Variants in WDR46 observed in about 807,000 individuals in gnomAD.
WDR46 encodes WD repeat-containing protein 46.
In WDR46, 58 loss-of-function variants were observed where a neutral mutation model predicts 74.7. That is an observed-to-expected ratio of 0.78 (90% CI 0.63 to 0.97). WDR46 has a LOEUF of 0.97. WDR46 is among the 50% of genes least tolerant of loss of function. The pLI, the probability that WDR46 is intolerant of heterozygous loss-of-function variation, is 0.00. For missense variants in WDR46, 702 were observed against 790.1 expected, an observed-to-expected ratio of 0.89 and a Z score of 1.34; for synonymous variants, 278 against 297.3, an observed-to-expected ratio of 0.93 and a Z score of 0.67.
Position 33,288,845 on chromosome 6 carries a change from G to A in WDR46, c.238C>T (p.Arg80Ter). The A allele has an allele frequency of 1.2e-6, 2 of 1,614,090 alleles. No homozygotes were observed. The highest frequency in any genetic ancestry group is 8.5e-7 in the Non-Finnish European group (1 of 1,180,020). ...SKKPQVPKKP[R>*]EWKNPESQRG... Reference sequence around the variant, plus strand: ...TGGGACTCCGGGTTCTTCCATTCTCGGGGTTTCTTCGGGACCTGAGGCTTC... The same window carrying A: ...TGGGACTCCGGGTTCTTCCATTCTCAGGGTTTCTTCGGGACCTGAGGCTTC... Residue 80 changes from arginine to a stop codon, truncating the protein, a stop_gained, in exon 2 of 15, where the codon CGA (arginine) becomes TGA (stop). Transcript: ENST00000374617. LOFTEE classifies it high-confidence loss of function.
At chr6:33,289,051 C>T (rs1190998268) in intron 1 of WDR46, 38 bp from the exon 2 acceptor site, 3 of 1,611,616 alleles carry the variant, frequency 1.9e-6, no homozygotes, top group African/African-American at 2.7e-5. Flanking sequence ...CACGCCCCGC[C>T]CCCCGACCCC....
chr6:33,287,871 C>A, intron 6 of WDR46, 94 bp downstream of exon 6: 1 of 1,541,382 alleles, frequency 6.5e-7, no homozygotes, highest in Non-Finnish European at 9.0e-7. Flanking sequence ...TCGAAGGACC[C>A]TCCCCTCATC....
Position 33,287,087 on chromosome 6 carries a change from T to C in WDR46, c.1015+4A>G, listed in dbSNP as rs1223864813. The C allele has an allele frequency of 3.7e-6, 6 of 1,613,060 alleles. No homozygotes were observed. The highest frequency in any genetic ancestry group is 4.2e-6 in the Non-Finnish European group (5 of 1,179,474). On this transcript the variant is annotated splice_donor_region_variant and intron_variant, in intron 9 of 14. Coordinates refer to ENST00000374617, the MANE Select transcript of WDR46 (RefSeq NM_005452.6). ...TCAGAGTCAAAACTAAGCCAGGTAC[T>C]GACCATTGCTGTGTCCGAGATGGAT...
Position 33,279,586 on chromosome 6 carries a change from G to A in WDR46, c.1645C>T (p.Pro549Ser), listed in dbSNP as rs1765942626. The change falls in exon 14 of 15, where the codon CCC (proline) becomes TCC (serine). Residue 549 changes from proline to serine, a missense_variant. Transcript: ENST00000374617. Reference sequence around the variant, plus strand: ...TTCTGCTTTGGCTTTGGCTGGAAGGGAGCCTTAGCCTGCGGGTCATAGCCC... The same window carrying A: ...TTCTGCTTTGGCTTTGGCTGGAAGGAAGCCTTAGCCTGCGGGTCATAGCCC... ...RLGYDPQAKA[P>S]FQPKPKQKGR... 6.2e-7 allele frequency: 1 copy of A among 1,614,076 alleles called. No individual in the cohort carries two copies. Among genetic ancestry groups the A allele is most frequent in the Admixed American group, 1.7e-5 (1 of 60,014 alleles).
chr6:33,279,189 G>GC lies in WDR46; in HGVS notation c.*86dup. On this transcript the variant is annotated 3_prime_UTR_variant, in exon 15 of 15. Coordinates refer to ENST00000374617, the MANE Select transcript of WDR46 (RefSeq NM_005452.6). ...CCCCAGTTGGGGAAGGGGCCACACT[G>GC]CCCCCACCTCCTTGTTCCAGGGAAC... is the stretch of plus-strand genomic sequence containing the variant. 6.4e-7 allele frequency: 1 copy of GC among 1,569,376 alleles called. No homozygotes were observed. Among genetic ancestry groups the GC allele is most frequent in the Non-Finnish European group, 8.7e-7 (1 of 1,150,070 alleles).
chr6:33,286,818 AG>A lies in WDR46; in HGVS notation c.1091del (p.Ala364ValfsTer4). 6.2e-7 allele frequency: 1 copy of A among 1,614,142 alleles called. No homozygotes were observed. Among genetic ancestry groups the A allele is most frequent in the Non-Finnish European group, 8.5e-7 (1 of 1,180,034 alleles). ...KILCHRGGVR[A>X]VAVDSTGTYM... ...ACGTGCCTGTAGAATCTACTGCCACAGCCCGGACCCCACCACGATGACAGAG... is the reference window on the plus strand; with the variant it reads ...ACGTGCCTGTAGAATCTACTGCCACACCCGGACCCCACCACGATGACAGAG... On this transcript the variant is annotated frameshift_variant, in exon 10 of 15. Coordinates refer to ENST00000374617, the MANE Select transcript of WDR46 (RefSeq NM_005452.6). LOFTEE classifies it high-confidence loss of function.
intron 10 of WDR46, among the ~76,000 whole-genome samples, chr6:33,283,626 G>A (rs1562621371): frequency 2.6e-5 from 4 of 152,122 alleles, no homozygotes; most frequent in Non-Finnish European, 4.4e-5. Context: ...TGAGCTAGGC[G>A]TGGTGGCTCA....
chr6:33,285,787 G>C (rs1245998974), intron 10 of WDR46, among the ~76,000 whole-genome samples: 1 of 151,580 alleles, frequency 6.6e-6, no homozygotes, highest in Non-Finnish European at 1.5e-5. Flanking sequence ...GGCCTCCAAA[G>C]TGCTGGGATT....
Position 33,286,879 on chromosome 6 carries a change from C to T in WDR46, c.1031G>A (p.Trp344Ter). ...CAGTGGCTCCTTCATAGCTGGACTC[C>T]ATAAAGACACAGTACCTGGAAGAGA... ...LGHSNGTVSL[W>*]SPAMKEPLAK... Residue 344 changes from tryptophan to a stop codon, truncating the protein, a stop_gained, in exon 10 of 15, where the codon TGG becomes TAG. Coordinates refer to ENST00000374617, the MANE Select transcript of WDR46 (RefSeq NM_005452.6). LOFTEE classifies it high-confidence loss of function. 1 of 1,614,154 alleles carries T rather than the reference C, an allele frequency of 6.2e-7. No homozygotes were observed. Among genetic ancestry groups the T allele is most frequent in the Non-Finnish European group, 8.5e-7 (1 of 1,180,044 alleles).
Position 33,287,649 on chromosome 6 carries a change from G to A in WDR46, c.693C>T (p.Cys231=), listed in dbSNP as rs759279010. Residue 231 remains cysteine, a synonymous_variant, in exon 7 of 15, where the codon TGC becomes TGT. Coordinates refer to ENST00000374617, the MANE Select transcript of WDR46 (RefSeq NM_005452.6). ...GCACCGCCTCCATGACGTTGATCTC[G>A]CACATAAGCTTCTTTGTTACCCAAT... ...ALDWVTKKLM[C]EINVMEAVRD... The A allele has an allele frequency of 4.4e-5, 71 of 1,613,738 alleles. No homozygotes were observed. The highest frequency in any genetic ancestry group is 5.3e-5 in the Non-Finnish European group (62 of 1,180,010).
intron 6 of WDR46, 108 bp from the exon 7 acceptor site, chr6:33,287,826 GT>G (rs1766812411): frequency 6.6e-7 from 1 of 1,504,560 alleles, no homozygotes; most frequent in African/African-American, 1.4e-5. Flanking sequence ...GCAGACACAT[GT>G]TGCTGTAGGT....
rs1452946891 is a variant in WDR46 at position 33,288,658 on chromosome 6, C to T, written c.316G>A (p.Val106Met). ...DPFPGPAPVP[V>M]EVVQKFCRID... ...CGACAGAACTTCTGGACCACTTCCA[C>T]AGGGACGGGGGCGGGGCCTGGGAAT... Residue 106 changes from valine (V) to methionine (M), a missense_variant, in exon 3 of 15, where the codon GTG becomes ATG. By Grantham distance (21) the Val-to-Met change is conservative. Coordinates refer to ENST00000374617, the MANE Select transcript of WDR46 (RefSeq NM_005452.6). 1.9e-6 allele frequency: 3 copies of T among 1,609,340 alleles called. No homozygotes were observed. Among genetic ancestry groups the T allele is most frequent in the Non-Finnish European group, 2.5e-6 (3 of 1,178,404 alleles).
In WDR46 at chr6:33,279,454, G is replaced by T. The variant is rs779357376; in HGVS notation, c.1734+43C>A. 56 of 1,610,492 alleles carry T rather than the reference G, an allele frequency of 3.5e-5. No individual in the cohort carries two copies. The African/African-American group carries it at 7.2e-4, about 21-fold the overall frequency. On this transcript the variant is annotated intron_variant, in intron 14 of 14. Coordinates refer to ENST00000374617, the MANE Select transcript of WDR46 (RefSeq NM_005452.6). ...CAAGGGCAGAGGCACAAGCAGGAGG[G>T]TGCAGCCTGTGGAAGGCCCGGCCCA...
chr6:33,285,524 T>G (rs1766542148), intron 10 of WDR46, among the ~76,000 whole-genome samples: 1 of 151,954 alleles, frequency 6.6e-6, no homozygotes, highest in African/African-American at 2.4e-5. Flanking sequence ...TTATGTTTTG[T>G]TTGTTTGTTT....
In WDR46 at chr6:33,279,629, G is replaced by A; in HGVS notation, c.1621-19C>T. ...CATAGCCCTGAGGGAGGGGACAGGA[G>A]TGATATCTGTTACAGCCTCGGAGTC... is the stretch of plus-strand genomic sequence containing the variant. On this transcript the variant is annotated intron_variant, in intron 13 of 14. Coordinates refer to ENST00000374617, the MANE Select transcript of WDR46 (RefSeq NM_005452.6). 1 of 1,614,100 alleles carries A rather than the reference G, an allele frequency of 6.2e-7. No individual in the cohort carries two copies. The highest frequency in any genetic ancestry group is 8.5e-7 in the Non-Finnish European group (1 of 1,179,988).
intron 10 of WDR46, 59 bp downstream of exon 10, chr6:33,286,736 C>G (rs1581682803): frequency 1.3e-6 from 2 of 1,531,458 alleles, no homozygotes; most frequent in African/African-American, 2.7e-5. Flanking sequence ...AAGCACACTG[C>G]CTTCCACACC....
Position 33,287,441 on chromosome 6 carries a change from G to A in WDR46, c.793C>T (p.Gln265Ter), listed in dbSNP as rs753364161. 6.2e-7 allele frequency: 1 copy of A among 1,612,526 alleles called. No homozygotes were observed. Among genetic ancestry groups the A allele is most frequent in the Non-Finnish European group, 8.5e-7 (1 of 1,179,818 alleles). The change falls in exon 8 of 15, where the codon CAG becomes TAG. Residue 265 changes from glutamine (Q) to a stop codon, truncating the protein, a stop_gained. Coordinates refer to ENST00000374617, the MANE Select transcript of WDR46 (RefSeq NM_005452.6). LOFTEE classifies it high-confidence loss of function. ...QNRWLHIYDN[Q>*]GIELHCIRRC... The stretch of plus-strand genomic sequence containing the variant: ...CGGATACAGTGGAGCTCAATGCCCT[G>A]ATTGTCATAGATGTGGAGCCAGCGG...
At chr6:33,288,083 C>T (rs184322817) in intron 5 of WDR46, 57 bp from the exon 6 acceptor site, 2 of 1,613,784 alleles carry the variant, frequency 1.2e-6, no homozygotes, top group African/African-American at 2.7e-5. Context: ...TTCTTCTAGC[C>T]CCCATTCCTC....
chr6:33,287,975 G>A lies in WDR46; in HGVS notation c.613C>T (p.Arg205Ter), dbSNP rs374015260. The change falls in exon 6 of 15, where the codon CGA (arginine) becomes TGA (stop). Residue 205 changes from arginine to a stop codon, truncating the protein, a stop_gained. Transcript: ENST00000374617. LOFTEE classifies it high-confidence loss of function. ...AGAATTCAACCTTACCTTCCAGTTC[G>A]AGAGTAGTTTAGTCTGTAGGGTCCA... ...QFGPYRLNYS[R>*]TGRHLAFGGR... 1.2e-5 allele frequency: 19 copies of A among 1,614,002 alleles called. No homozygotes were observed. Among genetic ancestry groups the A allele is most frequent in the Non-Finnish European group, 1.4e-5 (17 of 1,180,020 alleles).
Sources: allele counts gnomAD v4.1 joint callset (sites outside exome capture counted in the v4.1 genomes callset), GRCh38; gene constraint gnomAD v4.1.1; transcripts MANE v1.5; gene names NCBI Gene and HGNC (gene_info 2026-07-23, HGNC 2026-07-21).